ADGRE5: variants seen among roughly 807,000 people sequenced by gnomAD.
ADGRE5 encodes the protein adhesion G protein-coupled receptor E5.
Under a neutral mutation model 100.3 loss-of-function variants are expected in ADGRE5, and 72 were observed. The ratio of observed to expected loss-of-function variants is 0.72; its 90% CI spans 0.59 to 0.87. The LOEUF is 0.87. Ranked by LOEUF, ADGRE5 falls within the 40% of genes least tolerant of loss-of-function variation. The pLI is 0.00. For missense variants in ADGRE5, 959 were observed against 1,094.7 expected (o/e 0.88, Z 1.75); for synonymous variants, 439 against 447.8 (o/e 0.98, Z 0.25).
chr19:14,393,528 C>T (rs1008861078), intron 4 of ADGRE5, among the ~76,000 whole-genome samples: 3 of 152,202 alleles, frequency 2.0e-5, no homozygotes, highest in South Asian at 2.1e-4. Context: ...CTGGGAGCTG[C>T]GACTCATTCA....
In ADGRE5 at chr19:14,402,699, T is replaced by C. The variant is rs770981935; in HGVS notation, c.1286T>C (p.Ile429Thr). The C allele has an allele frequency of 6.2e-7, 1 of 1,614,018 alleles. No individual in the cohort carries two copies. Among genetic ancestry groups the C allele is most frequent in the South Asian group, 1.1e-5 (1 of 91,066 alleles). The change falls in exon 12 of 20, where the codon ATA becomes ACA. Residue 429 changes from isoleucine (I) to threonine (T), a missense_variant. Physicochemically the swap from Ile to Thr is moderately conservative, Grantham distance 89. This residue lies in a region of ADGRE5 where 246 missense variants were observed against 242.2 expected (regional missense o/e 1.02). Transcript: ENST00000242786. Reference protein sequence around the residue: ...HSKKQAELEEIYESSIRGVQL... With the variant: ...HSKKQAELEETYESSIRGVQL... ...AAGAAGCAAGCCGAACTGGAGGAGA[T>C]ATATGAAAGCAGCATCCGTGGTGTC...
In ADGRE5 at chr19:14,397,867, CCGCTTGT is replaced by C; in HGVS notation, c.773-20_773-14del. The C allele has an allele frequency of 1.3e-6, 1 of 785,492 alleles. No individual in the cohort carries two copies. Among genetic ancestry groups the C allele is most frequent in the South Asian group, 2.0e-5 (1 of 49,366 alleles). 48.7% of individuals were successfully genotyped at this position (785,492 alleles called of 1,614,324 possible). On this transcript the variant is annotated splice_polypyrimidine_tract_variant and intron_variant, in intron 7 of 19. Coordinates refer to ENST00000242786, the MANE Select transcript of ADGRE5 (RefSeq NM_078481.4). Reference sequence around the variant, plus strand: ...ACACACTGACAAGCGGCCTAATGAGCCGCTTGTCTTGTTCCCTACAGATATGACTTTC... The same window carrying C: ...ACACACTGACAAGCGGCCTAATGAGCCTTGTTCCCTACAGATATGACTTTC...
chr19:14,406,155 C>A lies in ADGRE5; in HGVS notation c.1822-176C>A, dbSNP rs939001094. Among the ~76,000 whole-genome samples, 5 of 152,312 alleles carry A rather than the reference C, an allele frequency of 3.3e-5. No individual in the cohort carries two copies. The highest frequency in any genetic ancestry group is 6.5e-5 in the Admixed American group (1 of 15,306). On this transcript the variant is annotated intron_variant, in intron 14 of 19. Coordinates refer to ENST00000242786, the MANE Select transcript of ADGRE5 (RefSeq NM_078481.4). This position sits in a 1 kb window ranked among gnomAD's most constrained non-coding sequence, Gnocchi z 6.0. ...CCTGGCCACACCCCGAGTGCCCGCT[C>A]GCTTCTGAGCGTTGTTGGGGGTGGG... is the stretch of plus-strand genomic sequence containing the variant.
chr19:14,392,669 G>A (rs887662356), intron 4 of ADGRE5, among the ~76,000 whole-genome samples: 1 of 152,142 alleles, frequency 6.6e-6, no homozygotes, highest in African/African-American at 2.4e-5. Context: ...CTGGGAGGCC[G>A]AGGCAGGTGG....
chr19:14,395,842 G>A (rs967644245), intron 4 of ADGRE5, among the ~76,000 whole-genome samples: 1 of 152,184 alleles, frequency 6.6e-6, no homozygotes, highest in African/African-American at 2.4e-5. Flanking sequence ...CTTAGGGAGG[G>A]GTCTTGGTCC....
intron 3 of ADGRE5, 53 bp from the exon 4 acceptor site, chr19:14,390,871 C>G: frequency 6.3e-7 from 1 of 1,597,318 alleles, no homozygotes; most frequent in South Asian, 1.1e-5. Context: ...GGGTCTCTGC[C>G]CTGACAGAAC....
chr19:14,381,879 C>G (rs908304737), intron 1 of ADGRE5, among the ~76,000 whole-genome samples: 2 of 151,560 alleles, frequency 1.3e-5, no homozygotes, highest in African/African-American at 4.9e-5. Flanking sequence ...GTGCTGGGAC[C>G]CTGAGAGCCG....
chr19:14,391,104 A>T (rs766476121), intron 4 of ADGRE5, 25 bp downstream of exon 4: 3 of 1,613,648 alleles, frequency 1.9e-6, no homozygotes, highest in Non-Finnish European at 2.5e-6. Context: ...ACGTCCTCTG[A>T]CTTTCCATCC....
At chr19:14,393,157 C>T (rs577914459) in intron 4 of ADGRE5, among the ~76,000 whole-genome samples, 30 of 150,922 alleles carry the variant, frequency 2.0e-4, no homozygotes, top group African/African-American at 2.7e-4. Context: ...GCCGATATTG[C>T]GCCACTACAC....
chr19:14,402,169 G>A (rs1199180897), intron 11 of ADGRE5, among the ~76,000 whole-genome samples: 5 of 150,982 alleles, frequency 3.3e-5, no homozygotes, highest in African/African-American at 7.3e-5. Context: ...GCTCATGCCT[G>A]TAGTCCTAGC....
rs180829783 is a variant in ADGRE5 at position 14,387,249 on chromosome 19, C to T, written c.23-1201C>T. Among the ~76,000 whole-genome samples the T allele has an allele frequency of 7.9e-5, 12 of 152,056 alleles. No homozygotes were observed. The East Asian group carries it at 2.1e-3, about 27-fold the overall frequency. ...TTTTCTTAGCCACTCCCCACACACCCCAGGTCAGAAGAGCAGCAGCTGGAG... is the reference window on the plus strand; with the variant it reads ...TTTTCTTAGCCACTCCCCACACACCTCAGGTCAGAAGAGCAGCAGCTGGAG... On this transcript the variant is annotated intron_variant, in intron 1 of 19. Coordinates refer to ENST00000242786, the MANE Select transcript of ADGRE5 (RefSeq NM_078481.4).
chr19:14,388,563 CCCG>C, intron 2 of ADGRE5, 63 bp downstream of exon 2: 1 of 1,586,436 alleles, frequency 6.3e-7, no homozygotes, highest in South Asian at 1.1e-5. Flanking sequence ...GTCCTGGACC[CCCG>C]CCCAGCCCCC....
intron 12 of ADGRE5, 67 bp downstream of exon 12, chr19:14,402,929 C>T: frequency 6.6e-7 from 1 of 1,511,246 alleles, no homozygotes; most frequent in Non-Finnish European, 9.1e-7. Flanking sequence ...GGGCCTCTCT[C>T]TGGGATGCTC....
At chr19:14,382,116 C>T (rs1375147847) in intron 1 of ADGRE5, among the ~76,000 whole-genome samples, 1 of 152,090 alleles carries the variant, frequency 6.6e-6, no homozygotes, top group Non-Finnish European at 1.5e-5. Flanking sequence ...TTGTGACTTC[C>T]TGGGACTCCC....
Position 14,407,958 on chromosome 19 carries a change from G to A in ADGRE5, c.2427G>A (p.Lys809=). 2 of 1,614,142 alleles carry A rather than the reference G, an allele frequency of 1.2e-6. No individual in the cohort carries two copies. The highest frequency in any genetic ancestry group is 1.7e-6 in the Non-Finnish European group (2 of 1,180,022). The part of the protein sequence containing the change: ...KWACLVAGGS[K]YSEFTSTTSG... ...CCTGCCTAGTTGCTGGGGGGAGCAA[G>A]TACTCAGAATTCACCTCCACCACGT... The change falls in exon 19 of 20, where the codon AAG becomes AAA. Residue 809 remains lysine, a synonymous_variant. Transcript: ENST00000242786.
intron 9 of ADGRE5, 49 bp downstream of exon 9, chr19:14,398,188 C>G (rs760922029): frequency 4.4e-6 from 7 of 1,584,424 alleles, no homozygotes; most frequent in Non-Finnish European, 6.1e-6. Context: ...AATCAGCTAG[C>G]GGAGGCTTCC....
intron 1 of ADGRE5, among the ~76,000 whole-genome samples, chr19:14,386,195 T>C (rs189370854): frequency 1.5e-4 from 23 of 150,404 alleles, no homozygotes; most frequent in African/African-American, 5.6e-4. Flanking sequence ...CTGGCTAACA[T>C]GGTGAAACCC....
At position 14,388,634 on chromosome 19, in the gene ADGRE5, C is replaced by A. The variant is rs1024792075; in HGVS notation, c.74-68C>A. The A allele has an allele frequency of 2.4e-5, 38 of 1,606,820 alleles. No individual in the cohort carries two copies. The African/African-American group carries it at 4.7e-4, about 20-fold the overall frequency. ...AGAAACTCAGCGCCCTGCCCCATCTCCCCCAGTGCCCCCTTTTTGTGTATT... is the reference window on the plus strand; with the variant it reads ...AGAAACTCAGCGCCCTGCCCCATCTACCCCAGTGCCCCCTTTTTGTGTATT... On this transcript the variant is annotated intron_variant, in intron 2 of 19. Coordinates refer to ENST00000242786, the MANE Select transcript of ADGRE5 (RefSeq NM_078481.4).
intron 13 of ADGRE5, 143 bp from the exon 14 acceptor site, chr19:14,405,605 G>GT: frequency 1.6e-6 from 1 of 644,500 alleles, no homozygotes; most frequent in Non-Finnish European, 2.7e-6. Context: ...CTTCCAGCTG[G>GT]TAAGTGTGGC....
Sources: allele counts gnomAD v4.1 joint callset (sites outside exome capture counted in the v4.1 genomes callset), GRCh38; gene constraint gnomAD v4.1.1; regional missense constraint gnomAD v4.1.1; non-coding constraint Gnocchi (gnomAD v3.1); transcripts MANE v1.5; gene names NCBI Gene and HGNC (gene_info 2026-07-23, HGNC 2026-07-21).